MTFR1: variants seen among roughly 807,000 people sequenced by gnomAD.
The protein encoded by MTFR1 is mitochondrial fission regulator 1.
Under a neutral mutation model 38.8 loss-of-function variants are expected in MTFR1, and 28 were observed. The ratio of observed to expected loss-of-function variants is 0.72; its 90% CI spans 0.53 to 0.99. MTFR1 has a LOEUF of 0.99. Among genes scored for constraint, MTFR1 ranks in the 50% least tolerant of loss-of-function variants. The pLI is 0.00. For synonymous variants in MTFR1, 145 were observed against 137.0 expected (o/e 1.06, Z -0.41); for missense variants, 358 against 395.5 (o/e 0.91, Z 0.81).
At chr8:65,727,077 G>T (rs1398776565) in intron 3 of MTFR1, 3 of 1,010,870 alleles carry the variant, frequency 3.0e-6, no homozygotes, top group South Asian at 2.8e-5. Flanking sequence ...AACATTCATT[G>T]AGAATTTATT....
At chr8:65,753,799 G>A (rs1017072795) in intron 3 of MTFR1, among the ~76,000 whole-genome samples, 2 of 152,090 alleles carry the variant, frequency 1.3e-5, no homozygotes, top group African/African-American at 4.8e-5. Flanking sequence ...GAAATCCATT[G>A]TTAGATATAC....
chr8:65,706,793 T>A (rs1344137375), intron 5 of MTFR1, among the ~76,000 whole-genome samples: 1 of 152,190 alleles, frequency 6.6e-6, no homozygotes, highest in Non-Finnish European at 1.5e-5. Context: ...AAATAGAAAT[T>A]TTCCATCTGG....
At chr8:65,713,246 G>C (rs557280042), downstream of MTFR1, among the ~76,000 whole-genome samples, 17 of 152,232 alleles carry the variant, frequency 1.1e-4, no homozygotes, top group South Asian at 2.9e-3. Context: ...TTCAAGACCA[G>C]CCTGGCCAAC....
Position 65,693,702 on chromosome 8 carries a change from C to A in MTFR1, c.224C>A (p.Ser75Tyr), listed in dbSNP as rs374693946. ...CACCCAGGAGAGGATGCAGTGGCGT[C>A]TTTTGCTGATGTTGGATGGGTAGCC... is the stretch of plus-strand genomic sequence containing the variant. ...PSHPGEDAVA[S>Y]FADVGWVAKE... Residue 75 changes from serine to tyrosine, a missense_variant, in exon 4 of 8, where the codon TCT (serine) becomes TAT (tyrosine). By Grantham distance (144) the Ser-to-Tyr change is moderately radical. Coordinates refer to ENST00000262146, the MANE Select transcript of MTFR1 (RefSeq NM_014637.4). 4.8e-5 allele frequency: 78 copies of A among 1,613,942 alleles called. No homozygotes were observed. The highest frequency in any genetic ancestry group is 6.4e-5 in the Non-Finnish European group (76 of 1,179,994).
At chr8:65,758,458 T>C (rs1267747153) in intron 3 of MTFR1, among the ~76,000 whole-genome samples, 1 of 152,132 alleles carries the variant, frequency 6.6e-6, no homozygotes, top group Non-Finnish European at 1.5e-5. Context: ...TTGGCAAGAA[T>C]TTATAGTCAT....
At chr8:65,658,113 A>C (rs371696674) in intron 1 of MTFR1, among the ~76,000 whole-genome samples, 2 of 152,212 alleles carry the variant, frequency 1.3e-5, no homozygotes, top group East Asian at 3.9e-4. Flanking sequence ...ATTTTCCCCA[A>C]CTCTAAAATG....
At chr8:65,731,117 T>C (rs947385941) in intron 3 of MTFR1, among the ~76,000 whole-genome samples, 1 of 152,218 alleles carries the variant, frequency 6.6e-6, no homozygotes, top group African/African-American at 2.4e-5. Context: ...CCTGGAGGCC[T>C]GACATTCCTG....
intron 1 of MTFR1, among the ~76,000 whole-genome samples, chr8:65,668,596 C>T (rs1423423808): frequency 4.7e-5 from 7 of 150,030 alleles, no homozygotes; most frequent in African/African-American, 1.7e-4. Context: ...TATTTGCATC[C>T]TCCGCCTACT....
chr8:65,721,382 G>A (rs936074277), intron 3 of MTFR1, among the ~76,000 whole-genome samples: 1 of 152,180 alleles, frequency 6.6e-6, no homozygotes, highest in Non-Finnish European at 1.5e-5. Context: ...TGCTTGGTGA[G>A]TTGTTAAGAG....
intron 3 of MTFR1, among the ~76,000 whole-genome samples, chr8:65,767,018 AC>A (rs1476276913): frequency 6.6e-6 from 1 of 152,120 alleles, no homozygotes. Context: ...AACAACAACA[AC>A]AACAACAACA....
chr8:65,739,375 T>A (rs1300348259), intron 3 of MTFR1: 1 of 1,090,772 alleles, frequency 9.2e-7, no homozygotes, highest in African/African-American at 1.7e-5. Context: ...CTGTGTGTTG[T>A]TTTAAGCCAC....
intron 1 of MTFR1, among the ~76,000 whole-genome samples, chr8:65,663,961 A>G (rs1804296897): frequency 6.6e-6 from 1 of 151,308 alleles, no homozygotes; most frequent in African/African-American, 2.4e-5. Context: ...GATTGCAGAC[A>G]GGCACCACCA....
chr8:65,703,332 CAG>C (rs1452457663), intron 4 of MTFR1, among the ~76,000 whole-genome samples: 1 of 148,664 alleles, frequency 6.7e-6, no homozygotes, highest in African/African-American at 2.5e-5. Context: ...GTGTGGGTAA[CAG>C]AGCGAGATCC....
At chr8:65,727,971 TAAAA>T (rs1317269556) in intron 3 of MTFR1, 8 of 152,318 alleles carry the variant, frequency 5.3e-5, no homozygotes, top group Non-Finnish European at 1.0e-4. Context: ...TCACAATAAA[TAAAA>T]GTTTATGATT....
intron 3 of MTFR1, among the ~76,000 whole-genome samples, chr8:65,751,165 C>G (rs542519774): frequency 2.3e-4 from 35 of 152,312 alleles, no homozygotes; most frequent in African/African-American, 6.3e-4. Flanking sequence ...CTACACGTAA[C>G]AAGATTATAT....
At chr8:65,706,835 G>C (rs769018882) in intron 5 of MTFR1, among the ~76,000 whole-genome samples, 175 bp from the exon 6 acceptor site, 1 of 152,182 alleles carries the variant, frequency 6.6e-6, no homozygotes, top group African/African-American at 2.4e-5. Context: ...CAGTGGCTGA[G>C]ATTCAGGCAT....
downstream of MTFR1, among the ~76,000 whole-genome samples, chr8:65,715,121 A>C (rs764280009): frequency 3.5e-4 from 53 of 152,318 alleles, no homozygotes; most frequent in Non-Finnish European, 6.2e-4. Flanking sequence ...CCCATGTAAA[A>C]TAAATTTTGC....
intron 4 of MTFR1, among the ~76,000 whole-genome samples, chr8:65,698,785 A>G (rs934063436): frequency 4.6e-5 from 7 of 151,144 alleles, no homozygotes; most frequent in Non-Finnish European, 1.0e-4. Context: ...CTGGAGTGCA[A>G]TGGCACGATC....
At chr8:65,774,333 T>A (rs1809197227), downstream of MTFR1, among the ~76,000 whole-genome samples, 2 of 146,092 alleles carry the variant, frequency 1.4e-5, no homozygotes, top group Non-Finnish European at 1.5e-5. Flanking sequence ...TAAAAAGTTA[T>A]ATTTGCTTTA....
Sources: gnomAD v4.1 joint callset for allele counts (sites outside exome capture counted in the v4.1 genomes callset) on GRCh38, gnomAD v4.1.1 for gene constraint, MANE v1.5 for transcripts, NCBI Gene and HGNC (gene_info 2026-07-23, HGNC 2026-07-21) for gene names.